Variants in KCND2 observed in about 807,000 individuals in gnomAD.
KCND2 encodes potassium voltage-gated channel subfamily D member 2.
Under a neutral mutation model 54.4 loss-of-function variants are expected in KCND2, and 16 were observed. The ratio of observed to expected loss-of-function variants is 0.29; its 90% CI spans 0.20 to 0.45. The LOEUF is 0.45. KCND2 is among the 20% of genes least tolerant of loss of function. The probability of loss-of-function intolerance (pLI) is 1.00; values close to 1 mark genes in which losing one functional copy is unlikely to be tolerated. For missense variants in KCND2, 486 were observed against 824.2 expected, an observed-to-expected ratio of 0.59 and a Z score of 5.02; for synonymous variants, 317 against 310.7, an observed-to-expected ratio of 1.02 and a Z score of -0.21.
intron 1 of KCND2, among the ~76,000 whole-genome samples, chr7:120,622,297 G>T (rs1242007715): frequency 6.6e-6 from 1 of 152,126 alleles, no homozygotes; most frequent in African/African-American, 2.4e-5. Context: ...CAACTTCAAA[G>T]TTCAGAGATG....
chr7:120,341,833 G>T (rs1272401303), intron 1 of KCND2, among the ~76,000 whole-genome samples: 1 of 152,014 alleles, frequency 6.6e-6, no homozygotes, highest in Non-Finnish European at 1.5e-5. Flanking sequence ...ACAAGGAGGG[G>T]TTAATTGCAG....
At chr7:120,507,106 G>GT (rs1803034204) in intron 1 of KCND2, among the ~76,000 whole-genome samples, 1 of 151,830 alleles carries the variant, frequency 6.6e-6, no homozygotes, top group Non-Finnish European at 1.5e-5. Flanking sequence ...GTCTTAAGTA[G>GT]AACACAAATG....
In KCND2 at chr7:120,275,102, C is replaced by G; in HGVS notation, c.470C>G (p.Ala157Gly). 1 of 1,613,800 alleles carries G rather than the reference C, an allele frequency of 6.2e-7. No individual in the cohort carries two copies. The highest frequency in any genetic ancestry group is 8.5e-7 in the Non-Finnish European group (1 of 1,179,922). ...CAGGACGACGCGGATACCGACACCG[C>G]TGGGGAGAGCGCCTTGCCCACCATG... is the stretch of plus-strand genomic sequence containing the variant. ...RLQDDADTDT[A>G]GESALPTMTA... Residue 157 changes from alanine to glycine, a missense_variant, in exon 1 of 6, where the codon GCT becomes GGT. By Grantham distance (60) the Ala-to-Gly change is moderately conservative. Coordinates refer to ENST00000331113, the MANE Select transcript of KCND2 (RefSeq NM_012281.3).
At chr7:120,485,738 T>G (rs1042353402) in intron 1 of KCND2, among the ~76,000 whole-genome samples, 9 of 152,170 alleles carry the variant, frequency 5.9e-5, no homozygotes, top group Non-Finnish European at 1.0e-4. Flanking sequence ...TTCAGACCCT[T>G]CCTAATGGGT....
chr7:120,506,988 G>T (rs1396386173), intron 1 of KCND2, among the ~76,000 whole-genome samples: 1 of 151,410 alleles, frequency 6.6e-6, no homozygotes, highest in Non-Finnish European at 1.5e-5. Context: ...AATTTTATAG[G>T]GTACACCTGT....
At chr7:120,604,799 A>G (rs1461324543) in intron 1 of KCND2, among the ~76,000 whole-genome samples, 3 of 152,046 alleles carry the variant, frequency 2.0e-5, no homozygotes, top group Admixed American at 2.0e-4. Context: ...ATCATCTTTC[A>G]TGTAAGAACT....
At chr7:120,536,970 C>T (rs1296278028) in intron 1 of KCND2, among the ~76,000 whole-genome samples, 1 of 151,784 alleles carries the variant, frequency 6.6e-6, no homozygotes, top group Non-Finnish European at 1.5e-5. Context: ...AATATTTGAC[C>T]TCCTGCAAAT....
chr7:120,399,341 T>G (rs1402768116), intron 1 of KCND2, among the ~76,000 whole-genome samples: 1 of 151,926 alleles, frequency 6.6e-6, no homozygotes, highest in African/African-American at 2.4e-5. Context: ...GTATTCATGG[T>G]TCTTACATTA....
At chr7:120,464,614 G>A (rs887689400) in intron 1 of KCND2, among the ~76,000 whole-genome samples, 1 of 152,164 alleles carries the variant, frequency 6.6e-6, no homozygotes, top group Non-Finnish European at 1.5e-5. Context: ...CTGGGTCTCA[G>A]AAAGCTAACA....
intron 1 of KCND2, among the ~76,000 whole-genome samples, chr7:120,591,215 T>A (rs548027579): frequency 6.6e-6 from 1 of 152,224 alleles, no homozygotes; most frequent in East Asian, 1.9e-4. Flanking sequence ...ACAAATTTGG[T>A]GAATGCTTAT....
chr7:120,490,658 G>T (rs760143792), intron 1 of KCND2, among the ~76,000 whole-genome samples: 5 of 152,048 alleles, frequency 3.3e-5, no homozygotes, highest in Non-Finnish European at 7.4e-5. Flanking sequence ...GTCTTAAGGT[G>T]CAGAGTGATA....
chr7:120,714,881 A>G (rs542032992), intron 1 of KCND2, among the ~76,000 whole-genome samples: 1 of 152,226 alleles, frequency 6.6e-6, no homozygotes, highest in South Asian at 2.1e-4. Flanking sequence ...TAATACCCAC[A>G]CACACTTTTC....
At chr7:120,709,244 G>A (rs1792508477) in intron 1 of KCND2, among the ~76,000 whole-genome samples, 1 of 152,032 alleles carries the variant, frequency 6.6e-6, no homozygotes, top group Non-Finnish European at 1.5e-5. Flanking sequence ...GTGGTTCTAA[G>A]TAAAGAAAAC....
chr7:120,294,708 A>G (rs1286105036), intron 1 of KCND2, among the ~76,000 whole-genome samples: 1 of 151,886 alleles, frequency 6.6e-6, no homozygotes, highest in Non-Finnish European at 1.5e-5. Context: ...AAAATCATTA[A>G]TGTGACATAG....
In KCND2 at chr7:120,458,056, T is replaced by C. The variant is rs143765449; in HGVS notation, c.1115+182309T>C. ...GAGAACCCCTTATAAAACCATCAGA[T>C]CTCATGAGAACCAACTCACTATCAC... On this transcript the variant is annotated intron_variant, in intron 1 of 5. Transcript: ENST00000331113. 1.4e-3 allele frequency among the ~76,000 whole-genome samples: 215 copies of C among 152,148 alleles called. 2 individuals are homozygous for C. Among genetic ancestry groups the C allele is most frequent in the African/African-American group, 5.2e-3 (214 of 41,520 alleles).
At position 120,534,050 on chromosome 7, in the gene KCND2, A is replaced by T. The variant is rs571848141; in HGVS notation, c.1116-198853A>T. On this transcript the variant is annotated intron_variant, in intron 1 of 5. Coordinates refer to ENST00000331113, the MANE Select transcript of KCND2 (RefSeq NM_012281.3). ...AAAGTTTAGAAAATGGATATTAGGA[A>T]TTTTTTTGTACAAATCTACACAGGG... Among the ~76,000 whole-genome samples the T allele has an allele frequency of 2.6e-5, 4 of 151,594 alleles. No individual in the cohort carries two copies. In the South Asian group the frequency reaches 6.3e-4, roughly 24 times the overall value.
At chr7:120,473,072 A>G (rs992732653) in intron 1 of KCND2, among the ~76,000 whole-genome samples, 4 of 152,198 alleles carry the variant, frequency 2.6e-5, no homozygotes, top group Non-Finnish European at 5.9e-5. Flanking sequence ...AGCTTGGACC[A>G]TAAGGACCAG....
At chr7:120,542,806 A>G (rs918502949) in intron 1 of KCND2, among the ~76,000 whole-genome samples, 1 of 152,150 alleles carries the variant, frequency 6.6e-6, no homozygotes, top group Non-Finnish European at 1.5e-5. Context: ...TGTTTTAACA[A>G]TTCCTTGCAT....
chr7:120,343,935 CT>C (rs35395723), intron 1 of KCND2, among the ~76,000 whole-genome samples: 102,566 of 151,978 alleles, frequency 0.67, 38,663 homozygotes, highest in South Asian at 0.9. Flanking sequence ...CTAGACATCA[CT>C]GATAGATCCA....
Sources: gnomAD v4.1 joint callset for allele counts (sites outside exome capture counted in the v4.1 genomes callset) on GRCh38, gnomAD v4.1.1 for gene constraint, MANE v1.5 for transcripts, NCBI Gene and HGNC (gene_info 2026-07-23, HGNC 2026-07-21) for gene names.